The following PTPRD variants were observed in gnomAD, a reference collection of about 807,000 sequenced individuals.
The protein encoded by PTPRD is protein tyrosine phosphatase receptor type D.
Under a neutral mutation model 214.5 loss-of-function variants are expected in PTPRD, and 34 were observed. The ratio of observed to expected loss-of-function variants is 0.16; its 90% CI spans 0.12 to 0.21. The LOEUF is 0.21. Ranked by LOEUF, PTPRD falls within the 10% of genes least tolerant of loss-of-function variation. PTPRD has a pLI of 1.00. For synonymous variants in PTPRD, 1,128 were observed against 845.7 expected, an observed-to-expected ratio of 1.33 and a Z score of -5.79; for missense variants, 2,545 against 2,398.7, an observed-to-expected ratio of 1.06 and a Z score of -1.27.
intron 7 of PTPRD, among the ~76,000 whole-genome samples, chr9:9,602,207 T>C (rs1198778188): frequency 6.6e-6 from 1 of 152,054 alleles, no homozygotes; most frequent in Non-Finnish European, 1.5e-5. Flanking sequence ...AACTATGTTA[T>C]CATTAAACAT....
At chr9:8,767,400 A>G (rs997792729) in intron 11 of PTPRD, among the ~76,000 whole-genome samples, 2 of 152,150 alleles carry the variant, frequency 1.3e-5, no homozygotes, top group African/African-American at 4.8e-5. Context: ...TACAGGTTTG[A>G]GCCACCACAC....
At chr9:8,327,417 G>C (rs3955063) in intron 44 of PTPRD, among the ~76,000 whole-genome samples, 1 of 148,524 alleles carries the variant, frequency 6.7e-6, no homozygotes, top group African/African-American at 2.5e-5. Context: ...TATGATTTCT[G>C]TTCTTTTGCA....
chr9:9,212,970 T>C lies in PTPRD; in HGVS notation c.-202-29607A>G, dbSNP rs77471108. Among the ~76,000 whole-genome samples the C allele has an allele frequency of 5.0e-3, 759 of 152,300 alleles. 5 individuals are homozygous for C. The highest frequency in any genetic ancestry group is 0.017 in the African/African-American group (721 of 41,576). ...TAGCCTAGAGTTCTCTAAGATTCTATAGATTCTAACTCCTATAACTGTGAC... is the reference window on the plus strand; with the variant it reads ...TAGCCTAGAGTTCTCTAAGATTCTACAGATTCTAACTCCTATAACTGTGAC... On this transcript the variant is annotated intron_variant, in intron 9 of 45. Coordinates refer to ENST00000381196, the MANE Select transcript of PTPRD (RefSeq NM_002839.4).
intron 8 of PTPRD, among the ~76,000 whole-genome samples, chr9:9,440,282 G>T (rs2087025401): frequency 6.6e-6 from 1 of 152,132 alleles, no homozygotes; most frequent in Admixed American, 6.5e-5. Context: ...GAAATTTACT[G>T]TATTTTATTT....
intron 11 of PTPRD, among the ~76,000 whole-genome samples, chr9:8,848,710 G>A (rs915995345): frequency 4.6e-5 from 7 of 152,018 alleles, no homozygotes; most frequent in African/African-American, 1.5e-4. Context: ...TCATATACAA[G>A]AGTGAGGAGG....
At chr9:10,316,276 A>C (rs1362986816) in intron 3 of PTPRD, among the ~76,000 whole-genome samples, 4 of 151,528 alleles carry the variant, frequency 2.6e-5, no homozygotes, top group Non-Finnish European at 5.9e-5. Flanking sequence ...CAATAATTTA[A>C]TAATTTAGCA....
chr9:9,083,374 C>A (rs902834342), intron 10 of PTPRD, among the ~76,000 whole-genome samples: 1 of 152,126 alleles, frequency 6.6e-6, no homozygotes, highest in Non-Finnish European at 1.5e-5. Context: ...AACTGGACCT[C>A]TTCTTTATAC....
At chr9:8,368,922 A>G (rs949724528) in intron 39 of PTPRD, among the ~76,000 whole-genome samples, 3 of 152,098 alleles carry the variant, frequency 2.0e-5, no homozygotes, top group Non-Finnish European at 4.4e-5. Flanking sequence ...TTCCATAAAT[A>G]AGGACATAAT....
rs71317375 is a variant in PTPRD at position 8,790,411 on chromosome 9, GT to G, written c.-103-56466del. 2.9e-4 allele frequency among the ~76,000 whole-genome samples: 20 copies of G among 68,340 alleles called. No individual in the cohort carries two copies. The East Asian group carries it at 3.8e-3, about 13-fold the overall frequency. The allele number at this position is 68,340 out of a possible 152,430, so 44.8% of individuals were successfully genotyped here. Reference sequence around the variant, plus strand: ...CTCAGGAGAGTAGGGAATCTTGTCTGTTTTTTGTTTTATTTTGTGTTTTTGA... The same window carrying G: ...CTCAGGAGAGTAGGGAATCTTGTCTGTTTTTGTTTTATTTTGTGTTTTTGA... On this transcript the variant is annotated intron_variant, in intron 11 of 45. Transcript: ENST00000381196.
intron 8 of PTPRD, among the ~76,000 whole-genome samples, chr9:9,428,174 C>T (rs563795218): frequency 1.2e-4 from 18 of 152,110 alleles, no homozygotes; most frequent in Middle Eastern, 3.4e-3. Flanking sequence ...ATCCATCTCA[C>T]GTGCAGAGAC....
intron 11 of PTPRD, among the ~76,000 whole-genome samples, chr9:8,868,754 T>C (rs917083847): frequency 6.6e-6 from 1 of 152,176 alleles, no homozygotes. Flanking sequence ...GCAGTCCAAA[T>C]TTTATATATG....
chr9:10,594,418 C>T (rs1292019731), intron 2 of PTPRD, among the ~76,000 whole-genome samples: 1 of 151,766 alleles, frequency 6.6e-6, no homozygotes, highest in Non-Finnish European at 1.5e-5. Context: ...TGATTAATAC[C>T]AAATCAGTCT....
chr9:8,945,684 G>A (rs2154298425), intron 11 of PTPRD, among the ~76,000 whole-genome samples: 1 of 152,060 alleles, frequency 6.6e-6, no homozygotes, highest in South Asian at 2.1e-4. Context: ...TTTTATCATT[G>A]ATTATTTGGT....
At chr9:8,576,470 A>G (rs1279844505) in intron 14 of PTPRD, among the ~76,000 whole-genome samples, 6 of 152,082 alleles carry the variant, frequency 3.9e-5, no homozygotes, top group Admixed American at 3.9e-4. Flanking sequence ...AAAGCTTCAC[A>G]TTTTGGTTGT....
At chr9:10,050,175 A>G (rs1803942998) in intron 3 of PTPRD, among the ~76,000 whole-genome samples, 1 of 152,048 alleles carries the variant, frequency 6.6e-6, no homozygotes, top group African/African-American at 2.4e-5. Flanking sequence ...GAGGGTGACT[A>G]AGAAAAGAGG....
chr9:10,518,658 A>G (rs975281804), intron 2 of PTPRD, among the ~76,000 whole-genome samples: 11 of 151,608 alleles, frequency 7.3e-5, no homozygotes, highest in South Asian at 2.1e-4. Flanking sequence ...TCAGCCTCCC[A>G]AGTAGCTGGG....
intron 2 of PTPRD, among the ~76,000 whole-genome samples, chr9:10,574,392 T>G (rs1567011034): frequency 6.6e-6 from 1 of 152,152 alleles, no homozygotes; most frequent in Non-Finnish European, 1.5e-5. Flanking sequence ...TGAAGCAGCA[T>G]AGTATATTGA....
At chr9:9,705,493 C>T (rs927024748) in intron 7 of PTPRD, among the ~76,000 whole-genome samples, 2 of 151,932 alleles carry the variant, frequency 1.3e-5, no homozygotes, top group Non-Finnish European at 2.9e-5. Context: ...TTTACATTTA[C>T]CAAGAATGAG....
chr9:8,653,303 TACAGGGAAAGACAAAA>T (rs1174369501), intron 12 of PTPRD, among the ~76,000 whole-genome samples: 1 of 152,134 alleles, frequency 6.6e-6, no homozygotes, highest in Non-Finnish European at 1.5e-5. Context: ...CAAAGTAAAC[TACAGGGAAAGACAAAA>T]ACAGTGTTTA....
Sources: gnomAD v4.1 joint callset for allele counts (sites outside exome capture counted in the v4.1 genomes callset) on GRCh38, gnomAD v4.1.1 for gene constraint, MANE v1.5 for transcripts, NCBI Gene and HGNC (gene_info 2026-07-23, HGNC 2026-07-21) for gene names.